CNDP2: variants seen among roughly 807,000 people sequenced by gnomAD.
The protein encoded by CNDP2 is cytosolic non-specific dipeptidase.
In CNDP2, 38 loss-of-function variants were observed where a neutral mutation model predicts 55.0. The observed-to-expected ratio is 0.69, with a 90% CI of 0.53 to 0.90. The LOEUF (loss-of-function observed/expected upper bound fraction) is 0.90, where lower values mean the gene tolerates loss of function less well. Ranked by LOEUF, CNDP2 falls within the 40% of genes least tolerant of loss-of-function variation. The probability of loss-of-function intolerance (pLI) is 0.00; values close to 1 mark genes in which losing one functional copy is unlikely to be tolerated. For synonymous variants in CNDP2, 241 were observed against 260.2 expected (o/e 0.93, Z 0.71); for missense variants, 607 against 621.7 (o/e 0.98, Z 0.25).
chr18:74,503,014 CTAAACCA>C (rs1349691609), intron 3 of CNDP2, among the ~76,000 whole-genome samples: 1 of 151,134 alleles, frequency 6.6e-6, no homozygotes, highest in Non-Finnish European at 1.5e-5. Context: ...CTTTGGGAGA[CTAAACCA>C]AGTTTCTTCA....
In CNDP2 at chr18:74,510,998, C is replaced by G. The variant is rs1250733551; in HGVS notation, c.642C>G (p.Cys214Trp). ...PCITYGLRGI[C>W]YFFIEVECSN... is the part of the protein sequence containing the mutation. ...TCACCTACGGCCTCAGGGGCATTTG[C>G]TACTTTTTCATCGAGGTACAGTGCC... The change falls in exon 6 of 12, where the codon TGC becomes TGG. Residue 214 changes from cysteine (C) to tryptophan (W), a missense_variant. Coordinates refer to ENST00000324262, the MANE Select transcript of CNDP2 (RefSeq NM_018235.3). 1.2e-6 allele frequency: 2 copies of G among 1,614,032 alleles called. No homozygotes were observed. Among genetic ancestry groups the G allele is most frequent in the South Asian group, 2.2e-5 (2 of 91,074 alleles).
chr18:74,505,598 C>CAAAAAA, intron 3 of CNDP2, among the ~76,000 whole-genome samples: 1 of 123,188 alleles, frequency 8.1e-6, no homozygotes, highest in African/African-American at 3.0e-5. Flanking sequence ...GATTCTGTCT[C>CAAAAAA]AAAAAAAAAA....
chr18:74,519,073 C>A lies in CNDP2; in HGVS notation c.1335C>A (p.His445Gln). ...TGGGGTCAGCGGATGACGGAGCCCA[C>A]TCCCAGAATGAAAAGCTCAACAGGT... ...LPVGSADDGA[H>Q]SQNEKLNRYN... Residue 445 changes from histidine to glutamine, a missense_variant, in exon 11 of 12, where the codon CAC becomes CAA. Transcript: ENST00000324262. 6.2e-7 allele frequency: 1 copy of A among 1,610,410 alleles called. No homozygotes were observed. Among genetic ancestry groups the A allele is most frequent in the Non-Finnish European group, 8.5e-7 (1 of 1,177,038 alleles).
intron 3 of CNDP2, chr18:74,504,867 C>G (rs546231553): frequency 6.6e-6 from 1 of 152,178 alleles, no homozygotes; most frequent in Non-Finnish European, 1.5e-5. Context: ...TTTTGCACAG[C>G]CTGAGTAGGC....
At chr18:74,498,285 T>C (rs544655901) in intron 1 of CNDP2, among the ~76,000 whole-genome samples, 13 of 152,230 alleles carry the variant, frequency 8.5e-5, no homozygotes, top group African/African-American at 2.9e-4. Context: ...GTGTAGCCTA[T>C]TGCTCCTAGG....
intron 8 of CNDP2, among the ~76,000 whole-genome samples, chr18:74,515,345 C>T (rs1979605650): frequency 6.6e-6 from 1 of 152,080 alleles, no homozygotes; most frequent in Non-Finnish European, 1.5e-5. Context: ...AAGAGAAGGT[C>T]CCCACCGGCA....
intron 8 of CNDP2, among the ~76,000 whole-genome samples, chr18:74,514,483 AT>A (rs1979539685): frequency 6.8e-6 from 1 of 146,182 alleles, no homozygotes; most frequent in South Asian, 2.2e-4. Flanking sequence ...TGTGGTATGG[AT>A]GTAAGTTCTG....
intron 11 of CNDP2, 25 bp from the exon 12 acceptor site, chr18:74,519,974 A>C: frequency 1.2e-6 from 2 of 1,611,476 alleles, no homozygotes; most frequent in Non-Finnish European, 1.7e-6. Context: ...ACCAGCCAAC[A>C]CAATGATGTG....
intron 3 of CNDP2, 44 bp downstream of exon 3, chr18:74,501,516 C>T: frequency 6.4e-7 from 1 of 1,567,536 alleles, no homozygotes; most frequent in Non-Finnish European, 8.7e-7. Flanking sequence ...TAGACAGATT[C>T]TGCCTGAGGG....
chr18:74,508,619 A>C, intron 4 of CNDP2: 2 of 472,776 alleles, frequency 4.2e-6, no homozygotes, highest in Non-Finnish European at 7.7e-6. Context: ...GGGAGAAGGA[A>C]GGGGTTCTTG....
At position 74,506,040 on chromosome 18, in the gene CNDP2, G is replaced by A. The variant is rs990476291; in HGVS notation, c.367+29G>A. The A allele has an allele frequency of 2.6e-5, 40 of 1,526,900 alleles. No individual in the cohort carries two copies. The African/African-American group carries it at 5.4e-4, about 20-fold the overall frequency. 94.6% of individuals were successfully genotyped at this position (1,526,900 alleles called of 1,614,324 possible). A position where few individuals can be genotyped will look rare whatever the true frequency, so the allele number is the denominator to read the frequency against. On this transcript the variant is annotated intron_variant, in intron 4 of 11. Coordinates refer to ENST00000324262, the MANE Select transcript of CNDP2 (RefSeq NM_018235.3). ...AGCGCCGCGCGCCTATGCGTGCCCA[G>A]AGGAAAGGCACTGACTTTTGGAAAG... is the stretch of plus-strand genomic sequence containing the variant.
At chr18:74,497,198 G>C (rs1978462565) in intron 1 of CNDP2, among the ~76,000 whole-genome samples, 1 of 152,106 alleles carries the variant, frequency 6.6e-6, no homozygotes, top group African/African-American at 2.4e-5. Flanking sequence ...GAGAACCCGG[G>C]GCCTGCTACC....
rs1368004231 is a variant in CNDP2 at position 74,511,014 on chromosome 18, G to T, written c.657+1G>T. The T allele has an allele frequency of 1.7e-5, 28 of 1,613,296 alleles. No homozygotes were observed. The highest frequency in any genetic ancestry group is 1.7e-4 in the Middle Eastern group (1 of 5,984). ...GGGCATTTGCTACTTTTTCATCGAG[G>T]TACAGTGCCAAGCTGTACGGGTCAC... is the stretch of plus-strand genomic sequence containing the variant. On this transcript the variant is annotated splice_donor_variant, in intron 6 of 11. Transcript: ENST00000324262. LOFTEE classifies it high-confidence loss of function.
intron 4 of CNDP2, among the ~76,000 whole-genome samples, chr18:74,506,749 C>G (rs186202950): frequency 1.3e-5 from 2 of 152,236 alleles, no homozygotes; most frequent in Non-Finnish European, 2.9e-5. Flanking sequence ...CAAGTGCTTC[C>G]GTGGGCCTGG....
intron 3 of CNDP2, among the ~76,000 whole-genome samples, chr18:74,502,914 G>T (rs1978791149): frequency 6.6e-6 from 1 of 152,128 alleles, no homozygotes; most frequent in South Asian, 2.1e-4. Context: ...GATTCCCCAG[G>T]CAGTGCTATT....
intron 3 of CNDP2, among the ~76,000 whole-genome samples, chr18:74,501,751 G>A (rs1360318717): frequency 6.6e-6 from 1 of 152,140 alleles, no homozygotes; most frequent in Non-Finnish European, 1.5e-5. Flanking sequence ...TGAGAGAATG[G>A]CTGAGATTCC....
chr18:74,515,762 C>A (rs1053975135), intron 8 of CNDP2, among the ~76,000 whole-genome samples: 1 of 152,166 alleles, frequency 6.6e-6, no homozygotes, highest in Admixed American at 6.5e-5. Flanking sequence ...ATGTGCTGGT[C>A]AGCCTGGCTC....
At position 74,510,808 on chromosome 18, in the gene CNDP2, C is replaced by G; in HGVS notation, c.457-5C>G. ...ATATCCACTCGTGCTGTTCCCTTCT[C>G]ACAGGAGATTCCTGTCAACGTCCGA... On this transcript the variant is annotated splice_region_variant and splice_polypyrimidine_tract_variant and intron_variant, in intron 5 of 11. Coordinates refer to ENST00000324262, the MANE Select transcript of CNDP2 (RefSeq NM_018235.3). 1 of 1,611,718 alleles carries G rather than the reference C, an allele frequency of 6.2e-7. No homozygotes were observed.
intron 3 of CNDP2, among the ~76,000 whole-genome samples, chr18:74,503,276 A>T (rs1327171385): frequency 6.6e-6 from 1 of 152,190 alleles, no homozygotes; most frequent in Non-Finnish European, 1.5e-5. Context: ...GAATTGAAAT[A>T]TTTCATCACT....
Sources: allele counts gnomAD v4.1 joint callset (sites outside exome capture counted in the v4.1 genomes callset), GRCh38; gene constraint gnomAD v4.1.1; transcripts MANE v1.5; gene names NCBI Gene and HGNC (gene_info 2026-07-23, HGNC 2026-07-21).